Variants in COQ6 observed in about 807,000 individuals in gnomAD.
COQ6 encodes the protein ubiquinone biosynthesis monooxygenase COQ6, mitochondrial.
Under a neutral mutation model 55.5 loss-of-function variants are expected in COQ6, and 45 were observed. The ratio of observed to expected loss-of-function variants is 0.81; its 90% CI spans 0.64 to 1.04. The LOEUF (loss-of-function observed/expected upper bound fraction) is 1.04. Ranked by LOEUF, COQ6 falls within the 50% of genes least tolerant of loss-of-function variation. The pLI, the probability that COQ6 is intolerant of heterozygous loss-of-function variation, is 0.00. For missense variants in COQ6, 550 were observed against 601.3 expected (o/e 0.91, Z 0.89); for synonymous variants, 206 against 230.5 (o/e 0.89, Z 0.96).
At chr14:73,960,834 G>A (rs761489552) in intron 8 of COQ6, 17 of 405,012 alleles carry the variant, frequency 4.2e-5, no homozygotes, top group African/African-American at 1.2e-4. Context: ...AAATAGAGAC[G>A]GGCATTCTAA....
At chr14:73,955,119 A>T (rs1306866450) in intron 2 of COQ6, among the ~76,000 whole-genome samples, 1 of 150,754 alleles carries the variant, frequency 6.6e-6, no homozygotes, top group East Asian at 2.0e-4. Flanking sequence ...CGCCCAGCTG[A>T]TTTTTTGTAT....
At position 73,961,313 on chromosome 14, in the gene COQ6, T is replaced by G; in HGVS notation, c.1032T>G (p.Val344=). The G allele has an allele frequency of 6.2e-7, 1 of 1,614,226 alleles. No homozygotes were observed. Among genetic ancestry groups the G allele is most frequent in the Non-Finnish European group, 8.5e-7 (1 of 1,180,040 alleles). The change falls in exon 9 of 12, where the codon GTT becomes GTG. Residue 344 remains valine (V), a synonymous_variant. Coordinates refer to ENST00000334571, the MANE Select transcript of COQ6 (RefSeq NM_182476.3). ...SVARVDAKSR[V]LFPLGLGHAA... ...CCAGGGTGGATGCCAAAAGCCGAGTTCTGTTTCCTCTTGGGTTGGGACATG... is the reference window on the plus strand; with the variant it reads ...CCAGGGTGGATGCCAAAAGCCGAGTGCTGTTTCCTCTTGGGTTGGGACATG...
intron 5 of COQ6, chr14:73,958,552 T>C: frequency 7.6e-7 from 1 of 1,310,676 alleles, no homozygotes; most frequent in South Asian, 1.5e-5. Context: ...GGCTGTTCTT[T>C]CCCTCTGAGG....
chr14:73,955,255 A>AGCTG, intron 2 of COQ6, 196 bp from the exon 3 acceptor site: 1 of 632,080 alleles, frequency 1.6e-6, no homozygotes, highest in East Asian at 2.8e-5. Flanking sequence ...GCCCGGCAGA[A>AGCTG]GCTGGGTCTT....
At chr14:73,954,779 G>A (rs1448351712) in intron 2 of COQ6, among the ~76,000 whole-genome samples, 1 of 144,152 alleles carries the variant, frequency 6.9e-6, no homozygotes, top group Non-Finnish European at 1.5e-5. Context: ...GGGAGGCGGA[G>A]CTTGCAGTGA....
At chr14:73,953,713 T>C (rs2056290677) in intron 2 of COQ6, 144 bp downstream of exon 2, 1 of 1,060,120 alleles carries the variant, frequency 9.4e-7, no homozygotes, top group Non-Finnish European at 1.4e-6. Context: ...ATTGGTAGTC[T>C]AGGGCAGAGT....
intron 5 of COQ6, 157 bp from the exon 6 acceptor site, chr14:73,958,814 G>C: frequency 1.3e-6 from 2 of 1,526,760 alleles, no homozygotes; most frequent in Non-Finnish European, 8.8e-7. Flanking sequence ...GACAGTGCAG[G>C]GGCTCCACCT....
At chr14:73,954,438 AAAAG>A (rs2056321263) in intron 2 of COQ6, among the ~76,000 whole-genome samples, 1 of 151,926 alleles carries the variant, frequency 6.6e-6, no homozygotes, top group Non-Finnish European at 1.5e-5. Context: ...TGTATCTTGA[AAAAG>A]AAAAAACAAA....
intron 1 of COQ6, among the ~76,000 whole-genome samples, chr14:73,951,438 G>A (rs11628276): frequency 0.33 from 49,634 of 151,144 alleles, 9,344 homozygotes; most frequent in Non-Finnish European, 0.42. Flanking sequence ...ACAATGGCAC[G>A]ATCTCAGCTC....
intron 7 of COQ6, 26 bp downstream of exon 7, chr14:73,959,250 C>T (rs1310130563): frequency 1.1e-5 from 17 of 1,614,220 alleles, no homozygotes; most frequent in Non-Finnish European, 1.4e-5. Flanking sequence ...GACCAGTCCG[C>T]CCACATGCAT....
chr14:73,951,848 C>T (rs2056206647), intron 1 of COQ6, among the ~76,000 whole-genome samples: 1 of 150,954 alleles, frequency 6.6e-6, no homozygotes, highest in Admixed American at 6.6e-5. Flanking sequence ...ACTTCTGTAA[C>T]AGGGTGGTTC....
intron 3 of COQ6, 38 bp downstream of exon 3, chr14:73,955,547 G>T: frequency 2.5e-6 from 4 of 1,586,874 alleles, no homozygotes; most frequent in Non-Finnish European, 2.6e-6. Flanking sequence ...AAGATGTCTT[G>T]GTCTGTCTTA....
rs2056540198 is a variant in COQ6, at chr14:73,958,295, T to C, written c.612+18T>C. ...AATTGTTGGTAGTTGAAGATTCTTA[T>C]TTTGCTAGGGGTCTTGTATATCTAC... On this transcript the variant is annotated intron_variant, in intron 5 of 11. Transcript: ENST00000334571. 1.9e-6 allele frequency: 3 copies of C among 1,613,724 alleles called. No individual in the cohort carries two copies. Among genetic ancestry groups the C allele is most frequent in the Non-Finnish European group, 2.5e-6 (3 of 1,179,830 alleles).
At position 73,950,337 on chromosome 14, in the gene COQ6, C is replaced by A. The variant is rs1306863995; in HGVS notation, c.5C>A (p.Ala2Glu). The A allele has an allele frequency of 2.4e-5, 37 of 1,550,792 alleles. No individual in the cohort carries two copies. The highest frequency in any genetic ancestry group is 3.2e-5 in the Non-Finnish European group (37 of 1,151,028). Residue 2 changes from alanine to glutamate, a missense_variant, in exon 1 of 12, where the codon GCG becomes GAG. By Grantham distance (107) the Ala-to-Glu change is moderately radical. Coordinates refer to ENST00000334571, the MANE Select transcript of COQ6 (RefSeq NM_182476.3). ...GCGACGGCGCAGGTCTGCACCATGG[C>A]GGCCCGGCTTGTCAGCCGATGCGGG... M[A>E]ARLVSRCGAV...
At chr14:73,957,622 G>A (rs2056504639) in intron 4 of COQ6, among the ~76,000 whole-genome samples, 1 of 151,922 alleles carries the variant, frequency 6.6e-6, no homozygotes, top group African/African-American at 2.4e-5. Context: ...TAAAGATGGG[G>A]TTTTACCATG....
intron 3 of COQ6, 96 bp downstream of exon 3, chr14:73,955,605 A>G (rs749878850): frequency 1.5e-6 from 2 of 1,378,704 alleles, no homozygotes; most frequent in Non-Finnish European, 2.1e-6. Flanking sequence ...TGTAGGAGGA[A>G]TCAGACAAGG....
chr14:73,951,417 C>T (rs2056187593), intron 1 of COQ6, among the ~76,000 whole-genome samples: 1 of 151,680 alleles, frequency 6.6e-6, no homozygotes, highest in Non-Finnish European at 1.5e-5. Context: ...TCTTGTTGCC[C>T]AGGATGGAGT....
At chr14:73,954,858 A>C (rs2056348107) in intron 2 of COQ6, among the ~76,000 whole-genome samples, 2 of 150,784 alleles carry the variant, frequency 1.3e-5, no homozygotes, top group African/African-American at 2.4e-5. Flanking sequence ...AAAAAAAAAA[A>C]AAAATACATG....
In COQ6 at chr14:73,963,164, A is replaced by C; in HGVS notation, c.*165A>C. 1.4e-6 allele frequency: 1 copy of C among 714,798 alleles called. No homozygotes were observed. Among genetic ancestry groups the C allele is most frequent in the Non-Finnish European group, 2.5e-6 (1 of 399,018 alleles). The allele number at this position is 714,798 out of a possible 1,614,324, so 44.3% of individuals were successfully genotyped here. ...GCCTGTGGCACCCAAATAATGAATG[A>C]TAATTTGCTGTGAGGAGCGTATATT... is the stretch of plus-strand genomic sequence containing the variant. On this transcript the variant is annotated 3_prime_UTR_variant, in exon 12 of 12. Coordinates refer to ENST00000334571, the MANE Select transcript of COQ6 (RefSeq NM_182476.3).
Sources: gnomAD v4.1 joint callset for allele counts (sites outside exome capture counted in the v4.1 genomes callset) on GRCh38, gnomAD v4.1.1 for gene constraint, MANE v1.5 for transcripts, NCBI Gene and HGNC (gene_info 2026-07-23, HGNC 2026-07-21) for gene names.